Variants in NRXN1 observed in about 807,000 individuals in gnomAD.
The protein encoded by NRXN1 is neurexin 1.
A neutral mutation model predicts 150.9 loss-of-function variants in NRXN1; 39 were observed. The observed-to-expected ratio is 0.26, with a 90% CI of 0.20 to 0.34. The LOEUF (loss-of-function observed/expected upper bound fraction) is 0.34. Ranked by LOEUF, NRXN1 falls within the 10% of genes least tolerant of loss-of-function variation. NRXN1 has a pLI of 1.00. For synonymous variants in NRXN1, 924 were observed against 757.0 expected (o/e 1.22, Z -3.62); for missense variants, 1,815 against 1,949.9 (o/e 0.93, Z 1.30).
intron 2 of NRXN1, among the ~76,000 whole-genome samples, chr2:50,933,833 T>C (rs1033048737): frequency 1.3e-5 from 2 of 152,154 alleles, no homozygotes; most frequent in Non-Finnish European, 2.9e-5. Context: ...AAATTTCCTT[T>C]TGTAACCCTA....
chr2:50,774,054 A>C (rs1703317939), intron 5 of NRXN1, among the ~76,000 whole-genome samples: 1 of 152,154 alleles, frequency 6.6e-6, no homozygotes, highest in Non-Finnish European at 1.5e-5. Context: ...GCTGATCAGT[A>C]TATCGAATTG....
chr2:50,709,684 CTG>C (rs1318357455), intron 5 of NRXN1, among the ~76,000 whole-genome samples: 1 of 152,110 alleles, frequency 6.6e-6, no homozygotes, highest in African/African-American at 2.4e-5. Context: ...ATGGCTGGGA[CTG>C]TTGTTTTGAA....
At chr2:50,266,406 AT>A (rs1230007118) in intron 17 of NRXN1, among the ~76,000 whole-genome samples, 2 of 148,246 alleles carry the variant, frequency 1.3e-5, no homozygotes, top group African/African-American at 4.9e-5. Context: ...ATAAATGTAT[AT>A]ATAATGTTTA....
At chr2:50,050,793 T>C (rs201044913) in intron 21 of NRXN1, among the ~76,000 whole-genome samples, 4 of 146,372 alleles carry the variant, frequency 2.7e-5, no homozygotes, top group Non-Finnish European at 4.5e-5. Context: ...TAATGTTTTT[T>C]CCCCATACAT....
At chr2:50,181,181 T>C (rs532538258) in intron 18 of NRXN1, among the ~76,000 whole-genome samples, 1 of 152,036 alleles carries the variant, frequency 6.6e-6, no homozygotes, top group African/African-American at 2.4e-5. Flanking sequence ...TGATATTTAC[T>C]AAAGGATAGA....
intron 21 of NRXN1, among the ~76,000 whole-genome samples, chr2:50,002,915 A>G (rs1024237521): frequency 6.6e-6 from 1 of 152,152 alleles, no homozygotes; most frequent in Admixed American, 6.6e-5. Flanking sequence ...GAACAAATAC[A>G]TGACAGTAAT....
At chr2:50,229,342 T>C (rs1162041640) in intron 18 of NRXN1, among the ~76,000 whole-genome samples, 1 of 151,878 alleles carries the variant, frequency 6.6e-6, no homozygotes, top group Non-Finnish European at 1.5e-5. Context: ...TGTGTGTGTG[T>C]GTAATAAAAG....
intron 18 of NRXN1, among the ~76,000 whole-genome samples, chr2:50,124,654 G>T (rs1204527085): frequency 6.6e-6 from 1 of 151,846 alleles, no homozygotes; most frequent in Non-Finnish European, 1.5e-5. Flanking sequence ...CCCAACCCCT[G>T]ACAATCATTC....
At chr2:50,681,900 T>C (rs1008816380) in intron 5 of NRXN1, among the ~76,000 whole-genome samples, 7 of 152,212 alleles carry the variant, frequency 4.6e-5, no homozygotes, top group African/African-American at 1.7e-4. Context: ...TATTTATTAG[T>C]TCTATGATCT....
At chr2:50,105,756 T>C (rs1159615187) in intron 18 of NRXN1, among the ~76,000 whole-genome samples, 2 of 152,006 alleles carry the variant, frequency 1.3e-5, no homozygotes, top group African/African-American at 4.8e-5. Context: ...AGCTCAGGTG[T>C]TCCATGTGTC....
chr2:50,014,514 T>TC (rs1686247394), intron 21 of NRXN1, among the ~76,000 whole-genome samples: 1 of 152,014 alleles, frequency 6.6e-6, no homozygotes, highest in South Asian at 2.1e-4. Context: ...CACCAAAACA[T>TC]CCCCACACAA....
chr2:50,314,753 A>T (rs148307098), intron 17 of NRXN1, among the ~76,000 whole-genome samples: 1 of 152,244 alleles, frequency 6.6e-6, no homozygotes, highest in East Asian at 1.9e-4. Context: ...TATACTCTCC[A>T]TAAGAATCAT....
At chr2:50,493,421 G>C (rs2091376417) in intron 15 of NRXN1, among the ~76,000 whole-genome samples, 1 of 152,142 alleles carries the variant, frequency 6.6e-6, no homozygotes, top group Non-Finnish European at 1.5e-5. Context: ...CAGCTCCACA[G>C]CACCTAAAAG....
rs551180627 is a variant in NRXN1, at chr2:50,897,604, C to A, written c.832+24265G>T. ...AAAAAGGAATAAAGTACTGCATCTG[C>A]ACAAACACATTTGGATGACTCTTAA... On this transcript the variant is annotated intron_variant, in intron 5 of 22. Coordinates refer to ENST00000401669, the MANE Select transcript of NRXN1 (RefSeq NM_001330078.2). Among the ~76,000 whole-genome samples, 51 of 152,314 alleles carry A rather than the reference C, an allele frequency of 3.3e-4. No individual in the cohort carries two copies. The South Asian group carries it at 9.3e-3, about 28-fold the overall frequency.
At chr2:50,222,654 C>T (rs543612162) in intron 18 of NRXN1, among the ~76,000 whole-genome samples, 1 of 151,982 alleles carries the variant, frequency 6.6e-6, no homozygotes, top group Non-Finnish European at 1.5e-5. Flanking sequence ...CTGCTACCCT[C>T]ATAACATGTA....
At chr2:50,285,172 A>T (rs927634022) in intron 17 of NRXN1, among the ~76,000 whole-genome samples, 1 of 152,212 alleles carries the variant, frequency 6.6e-6, no homozygotes, top group Non-Finnish European at 1.5e-5. Flanking sequence ...AAGAACAAAC[A>T]TGGTGTGCCC....
chr2:50,649,496 T>C (rs894921538), intron 5 of NRXN1, among the ~76,000 whole-genome samples: 15 of 152,070 alleles, frequency 9.9e-5, no homozygotes, highest in African/African-American at 3.6e-4. Context: ...GTGAAGAGAA[T>C]CAAACTTACA....
intron 21 of NRXN1, among the ~76,000 whole-genome samples, chr2:50,020,588 A>G (rs1558708000): frequency 6.6e-6 from 1 of 152,208 alleles, no homozygotes; most frequent in Non-Finnish European, 1.5e-5. Context: ...CATATTGTTT[A>G]CTTGATAATT....
At chr2:50,692,238 T>C (rs975277196) in intron 5 of NRXN1, among the ~76,000 whole-genome samples, 21 of 152,224 alleles carry the variant, frequency 1.4e-4, no homozygotes, top group African/African-American at 5.1e-4. Flanking sequence ...ATAAATGGAA[T>C]AAAATGCCTT....
Sources: allele counts gnomAD v4.1 joint callset (sites outside exome capture counted in the v4.1 genomes callset), GRCh38; gene constraint gnomAD v4.1.1; transcripts MANE v1.5; gene names NCBI Gene and HGNC (gene_info 2026-07-23, HGNC 2026-07-21).